Variants in BTBD9 observed in about 807,000 individuals in gnomAD.
The protein encoded by BTBD9 is BTB/POZ domain-containing protein 9.
Under a neutral mutation model 64.3 loss-of-function variants are expected in BTBD9, and 49 were observed. The observed-to-expected ratio is 0.76, with a 90% confidence interval of 0.61 to 0.97. The LOEUF (loss-of-function observed/expected upper bound fraction) is 0.97. BTBD9 is among the 50% of genes least tolerant of loss of function. BTBD9 has a pLI of 0.00. For synonymous variants in BTBD9, 260 were observed against 274.7 expected, an observed-to-expected ratio of 0.95 and a Z score of 0.53; for missense variants, 598 against 762.1, an observed-to-expected ratio of 0.78 and a Z score of 2.53.
chr6:38,322,670 C>T (rs1323297336), intron 7 of BTBD9, among the ~76,000 whole-genome samples: 3 of 152,242 alleles, frequency 2.0e-5, no homozygotes, highest in Middle Eastern at 3.4e-3. Context: ...ACGTTTACAG[C>T]GTCTGTTTTA....
At chr6:38,310,283 A>T (rs1217913880) in intron 7 of BTBD9, among the ~76,000 whole-genome samples, 1 of 152,144 alleles carries the variant, frequency 6.6e-6, no homozygotes, top group Non-Finnish European at 1.5e-5. Context: ...TCTGTGGGTA[A>T]ATTGGGCAAA....
intron 7 of BTBD9, among the ~76,000 whole-genome samples, chr6:38,326,757 C>CAAAAAAAA (rs398001240): frequency 8.1e-6 from 1 of 123,548 alleles, no homozygotes; most frequent in Non-Finnish European, 1.7e-5. Context: ...AGAATCACTG[C>CAAAAAAAA]AAAAAAAAAA....
At chr6:38,480,102 A>T (rs994715256) in intron 6 of BTBD9, among the ~76,000 whole-genome samples, 1 of 152,184 alleles carries the variant, frequency 6.6e-6, no homozygotes, top group East Asian at 1.9e-4. Context: ...AAAGCAATAC[A>T]ATACTTAAGA....
intron 1 of BTBD9, among the ~76,000 whole-genome samples, chr6:38,637,941 A>ATCCT (rs1230088088): frequency 1.3e-5 from 2 of 152,198 alleles, no homozygotes; most frequent in Non-Finnish European, 1.5e-5. Flanking sequence ...GCCCGCCTTA[A>ATCCT]TCCTTAACAC....
chr6:38,625,551 A>AC (rs1778137003), intron 1 of BTBD9, among the ~76,000 whole-genome samples: 1 of 152,210 alleles, frequency 6.6e-6, no homozygotes, highest in Admixed American at 6.5e-5. Flanking sequence ...GGACAACCTG[A>AC]CAGTGTTACT....
chr6:38,350,342 A>T (rs558274983), intron 6 of BTBD9, among the ~76,000 whole-genome samples: 61 of 152,304 alleles, frequency 4.0e-4, no homozygotes, highest in East Asian at 1.9e-4. Context: ...TACACCTTTA[A>T]CATACTAAAG....
chr6:38,408,090 C>G (rs1236681419), intron 6 of BTBD9, among the ~76,000 whole-genome samples: 1 of 152,216 alleles, frequency 6.6e-6, no homozygotes, highest in Non-Finnish European at 1.5e-5. Flanking sequence ...AGCGTGGTGG[C>G]TCATGCCTGT....
chr6:38,351,341 G>A (rs187707139), intron 6 of BTBD9, among the ~76,000 whole-genome samples: 1 of 152,064 alleles, frequency 6.6e-6, no homozygotes, highest in East Asian at 1.9e-4. Flanking sequence ...TCATGTCCTG[G>A]CACCTCCACT....
intron 6 of BTBD9, among the ~76,000 whole-genome samples, chr6:38,548,476 T>G (rs1460182125): frequency 2.0e-5 from 3 of 152,202 alleles, no homozygotes; most frequent in African/African-American, 4.8e-5. Context: ...TGCCAACACA[T>G]TTTTTCAAGT....
intron 9 of BTBD9, among the ~76,000 whole-genome samples, chr6:38,235,965 G>A (rs757541381): frequency 1.2e-4 from 19 of 152,168 alleles, no homozygotes; most frequent in Non-Finnish European, 2.4e-4. Context: ...CCCCTGGCCC[G>A]AGGTAGAAAG....
chr6:38,171,866 AAAAAAAAAAAAAAAAATAAT>A lies in BTBD9; in HGVS notation c.*3099_*3118del, dbSNP rs1453166753. The A allele has an allele frequency of 4.6e-3, 400 of 86,610 alleles. 6 individuals carry two copies. Among genetic ancestry groups the A allele is most frequent in the Non-Finnish European group, 7.0e-3 (248 of 35,362 alleles). 5.4% of individuals were successfully genotyped at this position (86,610 alleles called of 1,614,324 possible). A position where few individuals can be genotyped will look rare whatever the true frequency, so the allele number is the denominator to read the frequency against. On this transcript the variant is annotated 3_prime_UTR_variant, in exon 11 of 11. Transcript: ENST00000481247. ...ACTCTCAAAAAAAAAAAAAAAAAAA[AAAAAAAAAAAAAAAAATAAT>A]AATAATAATAATAATAATAATAATG...
chr6:38,315,745 T>G (rs1243511958), intron 7 of BTBD9, among the ~76,000 whole-genome samples: 1 of 152,206 alleles, frequency 6.6e-6, no homozygotes, highest in Non-Finnish European at 1.5e-5. Context: ...GTCTGTCCTT[T>G]AGAATAAACC....
intron 6 of BTBD9, among the ~76,000 whole-genome samples, chr6:38,542,298 A>C (rs112211872): frequency 2.0e-3 from 298 of 152,292 alleles, no homozygotes; most frequent in African/African-American, 6.6e-3. Flanking sequence ...CCGCACCCAC[A>C]GTATGTCTTT....
At chr6:38,364,361 GTGA>G (rs1458122832) in intron 6 of BTBD9, among the ~76,000 whole-genome samples, 3 of 152,154 alleles carry the variant, frequency 2.0e-5, no homozygotes, top group Admixed American at 1.3e-4. Flanking sequence ...CTTTGGTTCA[GTGA>G]TGATGATGTC....
chr6:38,222,509 T>C (rs1030751946), intron 9 of BTBD9, among the ~76,000 whole-genome samples: 20 of 152,058 alleles, frequency 1.3e-4, no homozygotes, highest in African/African-American at 4.3e-4. Flanking sequence ...TCCGCCCGCC[T>C]TGGCCTCCCA....
intron 6 of BTBD9, among the ~76,000 whole-genome samples, chr6:38,493,736 C>A (rs1582523172): frequency 6.6e-6 from 1 of 152,164 alleles, no homozygotes; most frequent in East Asian, 1.9e-4. Flanking sequence ...ATGGAGCTAG[C>A]TGTGGGGAGA....
intron 6 of BTBD9, among the ~76,000 whole-genome samples, chr6:38,523,128 A>T (rs996044034): frequency 2.0e-5 from 3 of 152,164 alleles, no homozygotes; most frequent in Non-Finnish European, 4.4e-5. Context: ...GGTTGCTGTG[A>T]GTTGAGATCG....
intron 6 of BTBD9, among the ~76,000 whole-genome samples, chr6:38,357,821 T>C (rs1764791405): frequency 6.6e-6 from 1 of 152,220 alleles, no homozygotes; most frequent in Non-Finnish European, 1.5e-5. Flanking sequence ...ACCTTGTTGC[T>C]GCTCCTCCAT....
At chr6:38,564,631 G>T (rs936627151) in intron 6 of BTBD9, among the ~76,000 whole-genome samples, 3 of 152,174 alleles carry the variant, frequency 2.0e-5, no homozygotes, top group Non-Finnish European at 4.4e-5. Context: ...ACTCACGCCT[G>T]TAATCCCAGC....
Sources: gnomAD v4.1 joint callset for allele counts (sites outside exome capture counted in the v4.1 genomes callset) on GRCh38, gnomAD v4.1.1 for gene constraint, MANE v1.5 for transcripts, NCBI Gene and HGNC (gene_info 2026-07-23, HGNC 2026-07-21) for gene names.